CMAS: variants seen among roughly 807,000 people sequenced by gnomAD.
CMAS encodes the protein cytidine monophosphate N-acetylneuraminic acid synthetase.
In CMAS, 21 loss-of-function variants were observed where a neutral mutation model predicts 53.4. The ratio of observed to expected loss-of-function variants is 0.39; its 90% CI spans 0.28 to 0.57. CMAS has a LOEUF of 0.57. Ranked by LOEUF, CMAS falls within the 20% of genes least tolerant of loss-of-function variation. The pLI is 0.56. For synonymous variants in CMAS, 189 were observed against 195.2 expected (o/e 0.97, Z 0.27); for missense variants, 384 against 534.9 (o/e 0.72, Z 2.78).
intron 1 of CMAS, among the ~76,000 whole-genome samples, chr12:22,052,112 A>T (rs1950241705): frequency 6.6e-6 from 1 of 152,220 alleles, no homozygotes; most frequent in Admixed American, 6.5e-5. Context: ...AGCACCTGAT[A>T]TGTAGCAGGC....
At chr12:22,062,952 T>C (rs763305613) in intron 7 of CMAS, among the ~76,000 whole-genome samples, 13 of 152,114 alleles carry the variant, frequency 8.5e-5, no homozygotes, top group East Asian at 3.9e-4. Flanking sequence ...CTGTGAAAAA[T>C]AGAATATCCC....
At chr12:22,057,040 A>G (rs1950272853) in intron 3 of CMAS, among the ~76,000 whole-genome samples, 1 of 152,140 alleles carries the variant, frequency 6.6e-6, no homozygotes, top group Admixed American at 6.5e-5. Flanking sequence ...CCATAAAGCT[A>G]TGTTATCTCT....
chr12:22,048,975 G>C (rs1212890238), intron 1 of CMAS, among the ~76,000 whole-genome samples: 1 of 152,178 alleles, frequency 6.6e-6, no homozygotes, highest in African/African-American at 2.4e-5. Context: ...TTCTGGGGCT[G>C]TGAATGCAAT....
At chr12:22,061,107 CCA>C (rs1275580270) in intron 5 of CMAS, among the ~76,000 whole-genome samples, 172 bp from the exon 6 acceptor site, 2 of 152,106 alleles carry the variant, frequency 1.3e-5, no homozygotes, top group Non-Finnish European at 1.5e-5. Flanking sequence ...TCTGGCTAGA[CCA>C]CACTACTTTT....
intron 1 of CMAS, among the ~76,000 whole-genome samples, chr12:22,048,078 CA>C (rs932657174): frequency 1.1e-4 from 16 of 152,130 alleles, no homozygotes; most frequent in African/African-American, 3.9e-4. Context: ...GATTCAAGGA[CA>C]AAAAAATGAT....
intron 1 of CMAS, among the ~76,000 whole-genome samples, chr12:22,047,008 A>G (rs1950211567): frequency 6.6e-6 from 1 of 152,136 alleles, no homozygotes; most frequent in South Asian, 2.1e-4. Context: ...GGGAGGCATC[A>G]GGTTCATGAA....
At chr12:22,064,831 A>T (rs1950334863) in intron 7 of CMAS, among the ~76,000 whole-genome samples, 1 of 152,198 alleles carries the variant, frequency 6.6e-6, no homozygotes, top group Admixed American at 6.5e-5. Context: ...CTTACTTAGA[A>T]TTCATATATA....
intron 4 of CMAS, 66 bp downstream of exon 4, chr12:22,058,766 A>C (rs2138185701): frequency 1.9e-6 from 3 of 1,539,006 alleles, no homozygotes; most frequent in East Asian, 2.3e-5. Context: ...GTTCTAGGGA[A>C]GAAGTATGGT....
In CMAS at chr12:22,061,448, T is replaced by C; in HGVS notation, c.956T>C (p.Ile319Thr). The change falls in exon 6 of 8, where the codon ATT becomes ACT. Residue 319 changes from isoleucine (I) to threonine (T), a missense_variant. Physicochemically the swap from Ile to Thr is moderately conservative, Grantham distance 89. This residue lies in a region of CMAS where 134 missense variants were observed against 154.6 expected (regional missense o/e 0.87). Transcript: ENST00000229329. ...IGISLLKKSG[I>T]EVRLISERAC... ...ATAAGTTTATTAAAGAAAAGTGGTA[T>C]TGAGGTATGTGCTCCCTGAATATAG... The C allele has an allele frequency of 5.7e-6, 9 of 1,572,758 alleles. No homozygotes were observed. Among genetic ancestry groups the C allele is most frequent in the Non-Finnish European group, 7.8e-6 (9 of 1,151,936 alleles).
chr12:22,060,334 A>T (rs972927682), intron 4 of CMAS, among the ~76,000 whole-genome samples: 18 of 12,368 alleles, frequency 1.5e-3, no homozygotes, highest in Non-Finnish European at 3.7e-3. Context: ...CTTTCTCCTT[A>T]AAAAAAAAAA....
chr12:22,056,407 A>G (rs149927484), intron 3 of CMAS, among the ~76,000 whole-genome samples: 1 of 152,146 alleles, frequency 6.6e-6, no homozygotes, highest in African/African-American at 2.4e-5. Flanking sequence ...TCCTCCAGAG[A>G]GGGTACACCT....
Position 22,065,117 on chromosome 12 carries a change from A to G in CMAS, c.1115-4A>G. 6.3e-7 allele frequency: 1 copy of G among 1,587,178 alleles called. No homozygotes were observed. Among genetic ancestry groups the G allele is most frequent in the Non-Finnish European group, 8.6e-7 (1 of 1,161,110 alleles). On this transcript the variant is annotated splice_polypyrimidine_tract_variant and splice_region_variant and intron_variant, in intron 7 of 7. Coordinates refer to ENST00000229329, the MANE Select transcript of CMAS (RefSeq NM_018686.6). ...GTTTGCTCAGTATTTATTTTACTTGATAGGAAATGAAGTGTCTGATGAAGA... is the reference window on the plus strand; with the variant it reads ...GTTTGCTCAGTATTTATTTTACTTGGTAGGAAATGAAGTGTCTGATGAAGA...
chr12:22,058,424 CAA>C (rs75620701), intron 3 of CMAS, 141 bp from the exon 4 acceptor site: 5,495 of 522,316 alleles, frequency 0.011, no homozygotes, highest in East Asian at 0.032. Context: ...GACTCTGTCT[CAA>C]AAAAAAAAAA....
intron 1 of CMAS, among the ~76,000 whole-genome samples, chr12:22,050,878 A>T (rs898436137): frequency 6.6e-6 from 1 of 152,006 alleles, no homozygotes; most frequent in East Asian, 1.9e-4. Flanking sequence ...GGTATGCTTT[A>T]TATACTAGAT....
chr12:22,060,333 T>TAAACAAAAAAAA, intron 4 of CMAS, among the ~76,000 whole-genome samples: 1 of 54,138 alleles, frequency 1.8e-5, no homozygotes, highest in South Asian at 1.1e-3. Flanking sequence ...GCTTTCTCCT[T>TAAACAAAAAAAA]AAAAAAAAAA....
In CMAS at chr12:22,059,174, A is replaced by AAGTC. The variant is rs1404466012; in HGVS notation, c.693+476_693+479dup. 4.1e-5 allele frequency among the ~76,000 whole-genome samples: 6 copies of AAGTC among 145,784 alleles called. No homozygotes were observed. The East Asian group carries it at 1.0e-3, about 24-fold the overall frequency. On this transcript the variant is annotated intron_variant, in intron 4 of 7. Coordinates refer to ENST00000229329, the MANE Select transcript of CMAS (RefSeq NM_018686.6). ...TTTTTTTTTTTTTTTATTATACTTT[A>AAGTC]AGTCAACTGCCTCTTACTATGTAAG...
intron 1 of CMAS, among the ~76,000 whole-genome samples, chr12:22,054,393 T>C (rs950487791): frequency 1.0e-5 from 1 of 99,780 alleles, no homozygotes; most frequent in African/African-American, 3.2e-5. Flanking sequence ...AACCTGCGGT[T>C]AATAGAGTAT....
chr12:22,050,782 G>A (rs778531282), intron 1 of CMAS, among the ~76,000 whole-genome samples: 4 of 151,678 alleles, frequency 2.6e-5, no homozygotes, highest in Non-Finnish European at 4.4e-5. Flanking sequence ...AGGCTGAGGA[G>A]TGGGCAGAAT....
At chr12:22,062,570 T>A (rs1389706841) in intron 7 of CMAS, 136 bp downstream of exon 7, 1 of 846,532 alleles carries the variant, frequency 1.2e-6, no homozygotes. Flanking sequence ...CAAACACTGC[T>A]GATCAAACTG....
Sources: allele counts gnomAD v4.1 joint callset (sites outside exome capture counted in the v4.1 genomes callset), GRCh38; gene constraint gnomAD v4.1.1; regional missense constraint gnomAD v4.1.1; transcripts MANE v1.5; gene names NCBI Gene and HGNC (gene_info 2026-07-23, HGNC 2026-07-21).